The following RAB7A variants were observed in gnomAD, a reference collection of about 807,000 sequenced individuals.
The protein encoded by RAB7A is ras-related protein Rab-7a.
Under a neutral mutation model 24.5 loss-of-function variants are expected in RAB7A, and 2 were observed. The observed-to-expected ratio is 0.08, with a 90% confidence interval of 0.03 to 0.26. The LOEUF is 0.26. Ranked by LOEUF, RAB7A falls within the 10% of genes least tolerant of loss-of-function variation. The pLI is 1.00. For missense variants in RAB7A, 118 were observed against 255.7 expected (o/e 0.46, Z 3.67); for synonymous variants, 100 against 95.9 (o/e 1.04, Z -0.25).
chr3:128,771,504 A>G (rs1371595937), intron 1 of RAB7A, among the ~76,000 whole-genome samples: 2 of 152,210 alleles, frequency 1.3e-5, no homozygotes, highest in African/African-American at 4.8e-5. Flanking sequence ...CTTAATGGTA[A>G]TAAGATACCA....
At chr3:128,811,914 A>C (rs1933935890) in intron 5 of RAB7A, among the ~76,000 whole-genome samples, 1 of 152,106 alleles carries the variant, frequency 6.6e-6, no homozygotes, top group African/African-American at 2.4e-5. Context: ...ATAAATAAAT[A>C]ATGTTTAAAA....
chr3:128,809,496 A>T (rs541211603), intron 5 of RAB7A, among the ~76,000 whole-genome samples: 1 of 152,276 alleles, frequency 6.6e-6, no homozygotes, highest in South Asian at 2.1e-4. Context: ...GGCCTCTCTC[A>T]GTTCTCATGA....
chr3:128,778,229 A>C (rs1933138999), intron 1 of RAB7A, among the ~76,000 whole-genome samples: 1 of 152,104 alleles, frequency 6.6e-6, no homozygotes, highest in African/African-American at 2.4e-5. Flanking sequence ...AGATCATGCA[A>C]TTTCCTTTAA....
At chr3:128,774,807 C>G (rs978279088) in intron 1 of RAB7A, among the ~76,000 whole-genome samples, 4 of 152,152 alleles carry the variant, frequency 2.6e-5, no homozygotes, top group African/African-American at 9.7e-5. Context: ...CTCCTGCCCT[C>G]GTGATCCGCC....
chr3:128,750,568 A>C (rs2070670733), intron 1 of RAB7A, among the ~76,000 whole-genome samples: 1 of 152,224 alleles, frequency 6.6e-6, no homozygotes, highest in Non-Finnish European at 1.5e-5. Context: ...GGCCAGCCAA[A>C]GAAATTTCTA....
chr3:128,791,484 C>T (rs1408370101), intron 1 of RAB7A, among the ~76,000 whole-genome samples: 3 of 152,180 alleles, frequency 2.0e-5, no homozygotes, highest in Non-Finnish European at 4.4e-5. Flanking sequence ...TAAACAGAAT[C>T]TGTGAGTTAC....
chr3:128,741,960 G>A (rs1201160860), intron 1 of RAB7A, among the ~76,000 whole-genome samples: 3 of 152,062 alleles, frequency 2.0e-5, no homozygotes, highest in Non-Finnish European at 2.9e-5. Context: ...TAGCTAGTAT[G>A]TCCGGAATTG....
chr3:128,730,104 T>C (rs1299215730), intron 1 of RAB7A, among the ~76,000 whole-genome samples: 1 of 152,252 alleles, frequency 6.6e-6, no homozygotes, highest in Non-Finnish European at 1.5e-5. Context: ...CTTCTCTGTC[T>C]GCAGTTTGCT....
At chr3:128,734,207 A>G (rs1452860299) in intron 1 of RAB7A, among the ~76,000 whole-genome samples, 1 of 152,136 alleles carries the variant, frequency 6.6e-6, no homozygotes, top group Non-Finnish European at 1.5e-5. Flanking sequence ...AGGTGGGCGG[A>G]TCACTTGAGG....
chr3:128,809,936 C>CTTGTTTTTTTTTTTTTTTTTT, intron 5 of RAB7A, among the ~76,000 whole-genome samples: 1 of 52,260 alleles, frequency 1.9e-5, no homozygotes, highest in South Asian at 1.0e-3. Flanking sequence ...TTGCCACAGT[C>CTTGTTTTTTTTTTTTTTTTTT]TTTTTTTTTT....
At chr3:128,764,371 A>C in intron 1 of RAB7A, 1 of 642,878 alleles carries the variant, frequency 1.6e-6, no homozygotes, top group Non-Finnish European at 2.8e-6. Context: ...GTTTTGGCAC[A>C]ACTTATAGAA....
At position 128,813,242 on chromosome 3, in the gene RAB7A, C is replaced by T. The variant is rs1410958415; in HGVS notation, c.529-85C>T. On this transcript the variant is annotated intron_variant, in intron 5 of 5. Transcript: ENST00000265062. The stretch of plus-strand genomic sequence containing the variant: ...CCACTCTGCCCAAGCAGAAGTGAGC[C>T]CCTCCTGGGCAGAAAGTGCCCGCAA... 23 of 1,266,678 alleles carry T rather than the reference C, an allele frequency of 1.8e-5. No homozygotes were observed. The Admixed American group carries it at 3.4e-4, about 19-fold the overall frequency. 78.5% of individuals were successfully genotyped at this position (1,266,678 alleles called of 1,614,324 possible). A position where few individuals can be genotyped will look rare whatever the true frequency, so the allele number is the denominator to read the frequency against.
At chr3:128,758,628 G>T (rs982398332) in intron 1 of RAB7A, among the ~76,000 whole-genome samples, 11 of 152,066 alleles carry the variant, frequency 7.2e-5, no homozygotes, top group Non-Finnish European at 1.2e-4. Flanking sequence ...CATCAAGAAT[G>T]AATGACTTTA....
intron 1 of RAB7A, among the ~76,000 whole-genome samples, chr3:128,766,003 C>A (rs1331257020): frequency 6.6e-6 from 1 of 152,008 alleles, no homozygotes; most frequent in Non-Finnish European, 1.5e-5. Flanking sequence ...CTCAGGTGAT[C>A]CACCCACCTC....
intron 2 of RAB7A, among the ~76,000 whole-genome samples, chr3:128,797,108 G>A (rs1933593441): frequency 6.6e-6 from 1 of 152,162 alleles, no homozygotes; most frequent in South Asian, 2.1e-4. Context: ...CCCCAAACTT[G>A]TGCAAAAAGT....
chr3:128,791,391 T>C (rs1458019567), intron 1 of RAB7A, among the ~76,000 whole-genome samples: 1 of 152,202 alleles, frequency 6.6e-6, no homozygotes, highest in African/African-American at 2.4e-5. Flanking sequence ...TTCACCTTCC[T>C]TGGCCTCCCA....
chr3:128,756,991 G>T (rs1018419666), intron 1 of RAB7A, among the ~76,000 whole-genome samples: 1 of 151,884 alleles, frequency 6.6e-6, no homozygotes, highest in Non-Finnish European at 1.5e-5. Context: ...CTACAGGCGC[G>T]CACCACCACG....
chr3:128,799,536 C>T (rs1281213347), intron 3 of RAB7A, among the ~76,000 whole-genome samples: 1 of 152,146 alleles, frequency 6.6e-6, no homozygotes, highest in African/African-American at 2.4e-5. Context: ...AATTTGTGCA[C>T]GTGTTGACCT....
At position 128,728,714 on chromosome 3, in the gene RAB7A, G is replaced by A. The variant is rs553664587; in HGVS notation, c.-9+2355G>A. Among the ~76,000 whole-genome samples, 19 of 152,200 alleles carry A rather than the reference G, an allele frequency of 1.2e-4. No homozygotes were observed. The East Asian group carries it at 3.1e-3, about 25-fold the overall frequency. ...CTACCTCAGGTGATCCGCCTGTCTC[G>A]GCCTCCGAAAAGTGCTGGGATTACA... On this transcript the variant is annotated intron_variant, in intron 1 of 5. Coordinates refer to ENST00000265062, the MANE Select transcript of RAB7A (RefSeq NM_004637.6).
Sources: allele counts gnomAD v4.1 joint callset (sites outside exome capture counted in the v4.1 genomes callset), GRCh38; gene constraint gnomAD v4.1.1; transcripts MANE v1.5; gene names NCBI Gene and HGNC (gene_info 2026-07-23, HGNC 2026-07-21).